HPF1: variants seen among roughly 807,000 people sequenced by gnomAD.
HPF1 encodes histone PARylation factor 1.
A neutral mutation model predicts 38.8 loss-of-function variants in HPF1; 35 were observed. The observed-to-expected ratio is 0.90, with a 90% CI of 0.69 to 1.19. The LOEUF (loss-of-function observed/expected upper bound fraction) is 1.19, where lower values mean the gene tolerates loss of function less well. Ranked by LOEUF, HPF1 falls within the 50% of genes most tolerant of loss-of-function variation. HPF1 has a pLI of 0.00. For missense variants in HPF1, 367 were observed against 405.8 expected, an observed-to-expected ratio of 0.90 and a Z score of 0.82; for synonymous variants, 115 against 139.2, an observed-to-expected ratio of 0.83 and a Z score of 1.22.
chr4:169,750,539 A>T lies in HPF1; in HGVS notation c.395T>A (p.Phe132Tyr), dbSNP rs775882896. 1.3e-6 allele frequency: 2 copies of T among 1,590,232 alleles called. No individual in the cohort carries two copies. Among genetic ancestry groups the T allele is most frequent in the East Asian group, 4.5e-5 (2 of 44,502 alleles). ...AGGCGAAGAAAAGATCCTTTACCTGAAATACCCCATGTGGTACTGAGTTTT... is the reference window on the plus strand; with the variant it reads ...AGGCGAAGAAAAGATCCTTTACCTGTAATACCCCATGTGGTACTGAGTTTT... ...DNKTQYHMGY[F>Y]RDSPDEFPVY... is the part of the protein sequence containing the mutation. The change falls in exon 3 of 8, where the codon TTC becomes TAC. Residue 132 changes from phenylalanine to tyrosine, a missense_variant. Coordinates refer to ENST00000393381, the MANE Select transcript of HPF1 (RefSeq NM_017867.3).
chr4:169,740,596 C>T (rs751216002), intron 5 of HPF1, among the ~76,000 whole-genome samples: 2 of 152,142 alleles, frequency 1.3e-5, no homozygotes, highest in East Asian at 1.9e-4. Context: ...AACAACCTTG[C>T]ATTTAACAGA....
chr4:169,742,747 G>C (rs944006066), intron 4 of HPF1, among the ~76,000 whole-genome samples: 1 of 151,936 alleles, frequency 6.6e-6, no homozygotes, highest in South Asian at 2.1e-4. Context: ...AACCGAGATC[G>C]CGCCACTGCA....
intron 1 of HPF1, among the ~76,000 whole-genome samples, chr4:169,756,190 C>T (rs1734186431): frequency 6.6e-6 from 1 of 152,122 alleles, no homozygotes; most frequent in Admixed American, 6.5e-5. Context: ...CTCATTTAGT[C>T]CTCAACTGTC....
intron 5 of HPF1, among the ~76,000 whole-genome samples, chr4:169,739,939 G>A (rs1055629446): frequency 1.3e-5 from 2 of 152,232 alleles, no homozygotes; most frequent in African/African-American, 4.8e-5. Flanking sequence ...AATATGTTCA[G>A]ATTTTTCACA....
intron 1 of HPF1, 121 bp downstream of exon 1, chr4:169,757,709 C>T (rs1298321580): frequency 3.0e-6 from 3 of 1,015,100 alleles, no homozygotes; most frequent in Non-Finnish European, 4.4e-6. Context: ...CGCAGCAAAC[C>T]GCAGCCCCTG....
At chr4:169,734,629 A>G (rs1733870195) in intron 6 of HPF1, among the ~76,000 whole-genome samples, 1 of 152,216 alleles carries the variant, frequency 6.6e-6, no homozygotes, top group African/African-American at 2.4e-5. Context: ...TGAAGCCTTA[A>G]GTTAACTATT....
chr4:169,731,916 T>C lies in HPF1; in HGVS notation c.737-40A>G, dbSNP rs374565439. On this transcript the variant is annotated intron_variant, in intron 6 of 7. Coordinates refer to ENST00000393381, the MANE Select transcript of HPF1 (RefSeq NM_017867.3). ...TAATATAAAAGATTATCTACATAGT[T>C]AGAAAATGAATCAGTCTTCAAAAGT... is the stretch of plus-strand genomic sequence containing the variant. 3.8e-5 allele frequency: 57 copies of C among 1,499,476 alleles called. No individual in the cohort carries two copies. In the Admixed American group the frequency reaches 9.7e-4, roughly 26 times the overall value. The allele number at this position is 1,499,476 out of a possible 1,614,324, so 92.9% of individuals were successfully genotyped here.
intron 4 of HPF1, among the ~76,000 whole-genome samples, chr4:169,743,631 A>G (rs1304188462): frequency 1.3e-5 from 2 of 152,074 alleles, no homozygotes; most frequent in African/African-American, 4.8e-5. Context: ...ACTTATGGAA[A>G]TAATTTTATA....
chr4:169,737,289 C>CAAAAAAAAAAA (rs35524684), intron 6 of HPF1, among the ~76,000 whole-genome samples: 2 of 108,504 alleles, frequency 1.8e-5, no homozygotes, highest in Non-Finnish European at 3.6e-5. Context: ...CACTCCGTCT[C>CAAAAAAAAAAA]AAAAAAAAAA....
chr4:169,738,196 T>C (rs1733922625), intron 5 of HPF1, among the ~76,000 whole-genome samples: 1 of 152,234 alleles, frequency 6.6e-6, no homozygotes, highest in African/African-American at 2.4e-5. Flanking sequence ...CCTGCCAAAT[T>C]GAGACTCCCC....
intron 5 of HPF1, among the ~76,000 whole-genome samples, chr4:169,738,181 T>C (rs1733922458): frequency 6.6e-6 from 1 of 152,212 alleles, no homozygotes; most frequent in Non-Finnish European, 1.5e-5. Flanking sequence ...ACTCCTCTCA[T>C]CCATCCTGCC....
rs1553977882 is a variant in HPF1, at chr4:169,742,088, G to A, written c.517C>T (p.Leu173Phe). The A allele has an allele frequency of 1.9e-6, 3 of 1,610,678 alleles. No individual in the cohort carries two copies. The highest frequency in any genetic ancestry group is 1.7e-5 in the Admixed American group (1 of 59,898). The change falls in exon 5 of 8, where the codon CTT (leucine) becomes TTT (phenylalanine). Residue 173 changes from leucine to phenylalanine, a missense_variant. Transcript: ENST00000393381. ...AAVKLFLTKK[L>F]REITDKKKIN... ...TTCTTTTTATCCGTTATTTCTCTAA[G>A]TTTTTTCGTCAAAAATAATCTGAAA...
chr4:169,748,758 T>C lies in HPF1; in HGVS notation c.483A>G (p.Val161=). 2.9e-6 allele frequency: 4 copies of C among 1,391,280 alleles called. No individual in the cohort carries two copies. Among genetic ancestry groups the C allele is most frequent in the Non-Finnish European group, 3.9e-6 (4 of 1,013,120 alleles). 86.2% of individuals were successfully genotyped at this position (1,391,280 alleles called of 1,614,324 possible). Residue 161 remains valine, a synonymous_variant, in exon 4 of 8, where the codon GTA becomes GTG. Transcript: ENST00000393381. ...NCIIVPNGDN[V]FAAVKLFLTK... ...AATATTCTTACTTGACTGCAGCAAA[T>C]ACATTATCTCCATTTGGAACAATTA...
chr4:169,736,692 G>C (rs567741262), intron 6 of HPF1, among the ~76,000 whole-genome samples: 97 of 152,282 alleles, frequency 6.4e-4, no homozygotes, highest in African/African-American at 2.2e-3. Flanking sequence ...AAAGCAGACG[G>C]CCAAATACGT....
intron 7 of HPF1, among the ~76,000 whole-genome samples, chr4:169,730,331 G>A (rs145884388): frequency 1.3e-5 from 2 of 152,248 alleles, no homozygotes; most frequent in East Asian, 3.9e-4. Flanking sequence ...CTCACAACAA[G>A]CAAGTTTGCT....
chr4:169,748,706 T>C, intron 4 of HPF1, 38 bp downstream of exon 4: 1 of 1,008,824 alleles, frequency 9.9e-7, no homozygotes, highest in Non-Finnish European at 1.5e-6. Flanking sequence ...TAATGTAGTA[T>C]AAACATTGTA....
intron 4 of HPF1, among the ~76,000 whole-genome samples, chr4:169,747,767 A>C (rs1446898192): frequency 6.6e-6 from 1 of 152,210 alleles, no homozygotes; most frequent in Non-Finnish European, 1.5e-5. Flanking sequence ...TTGAAATCTC[A>C]GAGGCAGAAG....
chr4:169,730,823 A>G (rs1023023707), intron 7 of HPF1, among the ~76,000 whole-genome samples: 2 of 152,190 alleles, frequency 1.3e-5, no homozygotes, highest in Non-Finnish European at 2.9e-5. Context: ...GCATTTTAAC[A>G]ATGTCTGCAG....
chr4:169,731,330 G>A (rs1733825027), intron 7 of HPF1, among the ~76,000 whole-genome samples: 1 of 152,076 alleles, frequency 6.6e-6, no homozygotes, highest in African/African-American at 2.4e-5. Context: ...GAAACGAAAT[G>A]GAGCCTAAGG....
Sources: allele counts gnomAD v4.1 joint callset (sites outside exome capture counted in the v4.1 genomes callset), GRCh38; gene constraint gnomAD v4.1.1; transcripts MANE v1.5; gene names NCBI Gene and HGNC (gene_info 2026-07-23, HGNC 2026-07-21).